SEC14L1: variants seen among roughly 807,000 people sequenced by gnomAD.
SEC14L1 encodes SEC14-like protein 1.
In SEC14L1, 48 loss-of-function variants were observed where a neutral mutation model predicts 85.3. The ratio of observed to expected loss-of-function variants is 0.56; its 90% CI spans 0.45 to 0.72. SEC14L1 has a LOEUF of 0.72. Ranked by LOEUF, SEC14L1 falls within the 30% of genes least tolerant of loss-of-function variation. SEC14L1 has a pLI of 0.00. For missense variants in SEC14L1, 682 were observed against 921.4 expected, an observed-to-expected ratio of 0.74 and a Z score of 3.36; for synonymous variants, 391 against 355.5, an observed-to-expected ratio of 1.10 and a Z score of -1.12.
At chr17:77,182,103 A>G (rs1205176693) in intron 3 of SEC14L1, among the ~76,000 whole-genome samples, 3 of 152,102 alleles carry the variant, frequency 2.0e-5, no homozygotes, top group Admixed American at 1.3e-4. Flanking sequence ...AGAATATCCC[A>G]GTGGTTGCAT....
chr17:77,173,164 T>TGGA (rs1974595753), intron 3 of SEC14L1, among the ~76,000 whole-genome samples: 1 of 152,214 alleles, frequency 6.6e-6, no homozygotes, highest in African/African-American at 2.4e-5. Context: ...AGCTAGTTAA[T>TGGA]GGAGCATTTA....
chr17:77,130,596 G>T (rs1972583351), intron 3 of SEC14L1, among the ~76,000 whole-genome samples: 1 of 150,088 alleles, frequency 6.7e-6, no homozygotes, highest in African/African-American at 2.5e-5. Context: ...GTGCTGGGAT[G>T]ACAGGCGTGA....
intron 2 of SEC14L1, among the ~76,000 whole-genome samples, chr17:77,143,006 C>T (rs1423951543): frequency 6.6e-6 from 1 of 152,210 alleles, no homozygotes. Flanking sequence ...GAAGACAGGT[C>T]GCCAAAGCTG....
In SEC14L1 at chr17:77,215,109, TG is replaced by T; in HGVS notation, c.*1091del. On this transcript the variant is annotated 3_prime_UTR_variant, in exon 17 of 17. Transcript: ENST00000436233. ...GTGTGTGTGCATGTGTGCATGACGGTGGGGGTGCTGGGGGGACGGGGTGAGT... is the reference window on the plus strand; with the variant it reads ...GTGTGTGTGCATGTGTGCATGACGGTGGGGTGCTGGGGGGACGGGGTGAGT... The T allele has an allele frequency of 2.0e-6, 2 of 985,002 alleles. No homozygotes were observed. The highest frequency in any genetic ancestry group is 2.4e-6 in the Non-Finnish European group (2 of 829,876). The allele number at this position is 985,002 out of a possible 1,614,324, so 61.0% of individuals were successfully genotyped here.
intron 3 of SEC14L1, among the ~76,000 whole-genome samples, chr17:77,169,646 T>A (rs191545235): frequency 3.8e-4 from 58 of 152,134 alleles, no homozygotes; most frequent in African/African-American, 1.3e-3. Flanking sequence ...CGTCATGGGG[T>A]ATGGAAAGAA....
chr17:77,209,511 C>A, intron 14 of SEC14L1, 35 bp downstream of exon 14: 1 of 1,607,606 alleles, frequency 6.2e-7, no homozygotes, highest in Non-Finnish European at 8.5e-7. Context: ...TGGGCCGGCC[C>A]TTCCTCCGCA....
chr17:77,155,175 A>G (rs1039323056), intron 3 of SEC14L1, among the ~76,000 whole-genome samples: 4 of 152,092 alleles, frequency 2.6e-5, no homozygotes, highest in African/African-American at 9.7e-5. Context: ...TTCACCCGAG[A>G]TGCCCCCCAG....
intron 3 of SEC14L1, among the ~76,000 whole-genome samples, chr17:77,161,413 G>C (rs912770173): frequency 6.6e-6 from 1 of 152,164 alleles, no homozygotes; most frequent in Non-Finnish European, 1.5e-5. Flanking sequence ...CTTGAGCCGC[G>C]GGGATGGGGG....
At chr17:77,150,169 C>T (rs1432037937) in intron 3 of SEC14L1, among the ~76,000 whole-genome samples, 2 of 152,136 alleles carry the variant, frequency 1.3e-5, no homozygotes, top group African/African-American at 4.8e-5. Flanking sequence ...TCCCCCTTTC[C>T]TCTCAGGTGT....
intron 3 of SEC14L1, among the ~76,000 whole-genome samples, chr17:77,146,263 C>T (rs1973301308): frequency 6.6e-6 from 1 of 152,100 alleles, no homozygotes; most frequent in Admixed American, 6.6e-5. Context: ...GGACACAGGG[C>T]AGAGAGTTGG....
At chr17:77,194,070 CAG>C (rs1475780255) in intron 6 of SEC14L1, among the ~76,000 whole-genome samples, 3 of 152,096 alleles carry the variant, frequency 2.0e-5, no homozygotes, top group South Asian at 2.1e-4. Context: ...GAAATTGAGA[CAG>C]AAATCATATA....
chr17:77,184,148 G>T (rs1175593005), intron 3 of SEC14L1, among the ~76,000 whole-genome samples: 6 of 152,176 alleles, frequency 3.9e-5, no homozygotes, highest in African/African-American at 1.4e-4. Flanking sequence ...GAAGCCTGTG[G>T]TGTTTGTGTC....
At chr17:77,140,440 C>G (rs1376290916), upstream of SEC14L1, among the ~76,000 whole-genome samples, 1 of 152,230 alleles carries the variant, frequency 6.6e-6, no homozygotes, top group African/African-American at 2.4e-5. Flanking sequence ...GGGGCACTGG[C>G]GCGAGCAGCC....
At chr17:77,171,634 C>A (rs1416366723) in intron 3 of SEC14L1, among the ~76,000 whole-genome samples, 1 of 152,156 alleles carries the variant, frequency 6.6e-6, no homozygotes, top group Non-Finnish European at 1.5e-5. Context: ...AGGTGTGGAC[C>A]ACTCCAAAAG....
At chr17:77,120,856 T>C (rs1196880464) in intron 3 of SEC14L1, among the ~76,000 whole-genome samples, 7 of 152,190 alleles carry the variant, frequency 4.6e-5, no homozygotes, top group Non-Finnish European at 8.8e-5. Context: ...GATGTGTGAC[T>C]GAGATTCAGC....
chr17:77,145,243 C>T (rs1194690866), intron 3 of SEC14L1, among the ~76,000 whole-genome samples: 1 of 152,064 alleles, frequency 6.6e-6, no homozygotes, highest in Admixed American at 6.6e-5. Flanking sequence ...ATCCTCCTGC[C>T]TTGGCCTTCC....
At chr17:77,208,201 G>A (rs1976562717) in intron 13 of SEC14L1, among the ~76,000 whole-genome samples, 1 of 152,194 alleles carries the variant, frequency 6.6e-6, no homozygotes, top group African/African-American at 2.4e-5. Flanking sequence ...CACTTCATCA[G>A]TTCCACTTTA....
At chr17:77,168,739 A>G (rs570166965) in intron 3 of SEC14L1, among the ~76,000 whole-genome samples, 9 of 152,142 alleles carry the variant, frequency 5.9e-5, no homozygotes, top group Admixed American at 2.6e-4. Flanking sequence ...GGGCTCTTCT[A>G]TTTTCCCAGG....
chr17:77,213,793 A>G lies in SEC14L1; in HGVS notation c.2043-125A>G, dbSNP rs893456969. 1 of 1,256,956 alleles carries G rather than the reference A, an allele frequency of 8.0e-7. No individual in the cohort carries two copies. The highest frequency in any genetic ancestry group is 1.5e-5 in the African/African-American group (1 of 68,176). The allele number at this position is 1,256,956 out of a possible 1,614,324, so 77.9% of individuals were successfully genotyped here. On this transcript the variant is annotated intron_variant, in intron 16 of 16. Transcript: ENST00000436233. The surrounding 1 kb of genome is among the most constrained non-coding windows in gnomAD (Gnocchi z 7.1). ...TTACTCATGTCCATCCCCCGTTTGCAAGCACTGATGGGGATGAGAAGTGAG... is the reference window on the plus strand; with the variant it reads ...TTACTCATGTCCATCCCCCGTTTGCGAGCACTGATGGGGATGAGAAGTGAG...
Sources: allele counts gnomAD v4.1 joint callset (sites outside exome capture counted in the v4.1 genomes callset), GRCh38; gene constraint gnomAD v4.1.1; non-coding constraint Gnocchi (gnomAD v3.1); transcripts MANE v1.5; gene names NCBI Gene and HGNC (gene_info 2026-07-23, HGNC 2026-07-21).